Variants in DIAPH2 observed in about 807,000 individuals in gnomAD.
DIAPH2 encodes the protein diaphanous related formin 2.
DIAPH2 carries 35 observed loss-of-function variants against 92.7 expected under a neutral mutation model. The ratio of observed to expected loss-of-function variants is 0.38; its 90% CI spans 0.29 to 0.50. The LOEUF (loss-of-function observed/expected upper bound fraction) is 0.50, where lower values mean the gene tolerates loss of function less well. Ranked by LOEUF, DIAPH2 falls within the 20% of genes least tolerant of loss-of-function variation. The pLI is 0.94. For synonymous variants in DIAPH2, 301 were observed against 280.4 expected (o/e 1.07, Z -0.73); for missense variants, 701 against 819.5 (o/e 0.86, Z 1.77).
At chrX:96,904,579 T>C (rs2065420383) in intron 5 of DIAPH2, among the ~76,000 whole-genome samples, 1 of 111,819 alleles carries the variant, frequency 8.9e-6, no homozygotes. Flanking sequence ...GATGTTTATT[T>C]AGCCGAACAA....
chrX:96,817,082 C>T lies in DIAPH2; in HGVS notation c.447+58824C>T, dbSNP rs750729582. On this transcript the variant is annotated intron_variant, in intron 4 of 26. Transcript: ENST00000324765. Reference sequence around the variant, plus strand: ...ATGATGATTATCAGTGGCTGGGAAGCGTAGTGATGGGGAAGTGGGGATGGT... The same window carrying T: ...ATGATGATTATCAGTGGCTGGGAAGTGTAGTGATGGGGAAGTGGGGATGGT... 1.6e-4 allele frequency among the ~76,000 whole-genome samples: 18 copies of T among 111,154 alleles called. No homozygotes were observed. The East Asian group carries it at 4.0e-3, about 25-fold the overall frequency.
At chrX:97,355,191 A>G (rs950006003) in intron 24 of DIAPH2, among the ~76,000 whole-genome samples, 2 of 111,833 alleles carry the variant, frequency 1.8e-5, no homozygotes, top group African/African-American at 3.2e-5. Context: ...GTCTAAATCT[A>G]AACTATAATT....
chrX:97,327,943 C>T (rs1055362950), intron 23 of DIAPH2, among the ~76,000 whole-genome samples: 4 of 112,054 alleles, frequency 3.6e-5, no homozygotes, highest in Non-Finnish European at 5.6e-5. Flanking sequence ...AATAGCATAC[C>T]CTTCCCCACA....
intron 21 of DIAPH2, among the ~76,000 whole-genome samples, chrX:97,139,861 A>G: frequency 9.0e-6 from 1 of 110,868 alleles, no homozygotes; most frequent in East Asian, 2.8e-4. Flanking sequence ...AAGAAAAAAA[A>G]TCACCCATAA....
intron 4 of DIAPH2, among the ~76,000 whole-genome samples, chrX:96,776,094 C>T (rs566736147): frequency 7.2e-5 from 8 of 111,626 alleles, no homozygotes; most frequent in Middle Eastern, 9.2e-3. Context: ...GTAAAGTTAC[C>T]CTTTTTATGA....
intron 22 of DIAPH2, among the ~76,000 whole-genome samples, chrX:97,207,987 A>G (rs1273097791): frequency 9.0e-6 from 1 of 110,867 alleles, no homozygotes; most frequent in Non-Finnish European, 1.9e-5. Flanking sequence ...CCCTGTCTCT[A>G]CTAAAAATAG....
At chrX:97,287,907 C>T (rs1400324015) in intron 23 of DIAPH2, among the ~76,000 whole-genome samples, 38 of 84,930 alleles carry the variant, frequency 4.5e-4, no homozygotes, top group Middle Eastern at 8.3e-3. Context: ...GAGCCAAGAT[C>T]GCACCACTGC....
At chrX:97,334,965 T>G (rs1489294565) in intron 23 of DIAPH2, among the ~76,000 whole-genome samples, 1 of 78,557 alleles carries the variant, frequency 1.3e-5, no homozygotes, top group Non-Finnish European at 2.3e-5. Context: ...GAGGCGACAG[T>G]GCAAGACTTC....
At chrX:96,757,714 G>C (rs1039436638) in intron 3 of DIAPH2, among the ~76,000 whole-genome samples, 2 of 111,043 alleles carry the variant, frequency 1.8e-5, no homozygotes, top group Non-Finnish European at 3.8e-5. Flanking sequence ...ACATATTATA[G>C]ATATATAGAC....
intron 17 of DIAPH2, among the ~76,000 whole-genome samples, chrX:97,051,523 T>C (rs2066520345): frequency 9.1e-6 from 1 of 109,351 alleles, no homozygotes; most frequent in Admixed American, 9.8e-5. Flanking sequence ...TTTTTTCTTT[T>C]TTTTTTTAAT....
At chrX:96,852,685 C>G (rs1007701267) in intron 4 of DIAPH2, among the ~76,000 whole-genome samples, 1 of 111,343 alleles carries the variant, frequency 9.0e-6, no homozygotes, top group African/African-American at 3.3e-5. Context: ...AGAGCTCTGA[C>G]AGCCTACAGT....
At chrX:97,195,126 G>A (rs183051934) in intron 22 of DIAPH2, among the ~76,000 whole-genome samples, 25 of 111,956 alleles carry the variant, frequency 2.2e-4, no homozygotes, top group Admixed American at 9.5e-4. Flanking sequence ...TGATAGATAT[G>A]TGTCACTTGA....
intron 17 of DIAPH2, among the ~76,000 whole-genome samples, chrX:97,037,860 T>A (rs2066421685): frequency 8.9e-6 from 1 of 112,011 alleles, no homozygotes; most frequent in Admixed American, 9.5e-5. Flanking sequence ...ATTATCATTA[T>A]TTTTTAAATT....
chrX:97,425,013 TATA>T (rs2070048136), intron 25 of DIAPH2, among the ~76,000 whole-genome samples: 1 of 112,572 alleles, frequency 8.9e-6, no homozygotes, highest in African/African-American at 3.2e-5. Flanking sequence ...AAACAATATC[TATA>T]ATGTTATACA....
At chrX:97,323,620 G>C (rs2068923127) in intron 23 of DIAPH2, among the ~76,000 whole-genome samples, 1 of 87,631 alleles carries the variant, frequency 1.1e-5, no homozygotes, top group Non-Finnish European at 2.2e-5. Flanking sequence ...AAAAAGCTCA[G>C]GGACCGGGTG....
chrX:97,151,098 G>A (rs2147423282), intron 22 of DIAPH2, among the ~76,000 whole-genome samples: 1 of 111,695 alleles, frequency 9.0e-6, no homozygotes, highest in Non-Finnish European at 1.9e-5. Flanking sequence ...CATTATAATA[G>A]TTATTCTTAG....
intron 23 of DIAPH2, among the ~76,000 whole-genome samples, chrX:97,276,058 C>G (rs947340772): frequency 8.9e-6 from 1 of 112,739 alleles, no homozygotes; most frequent in Non-Finnish European, 1.9e-5. Context: ...GCAGATCACT[C>G]GCGGTTAAGA....
At chrX:97,319,300 T>C (rs2068869532) in intron 23 of DIAPH2, among the ~76,000 whole-genome samples, 1 of 112,558 alleles carries the variant, frequency 8.9e-6, no homozygotes, top group Admixed American at 9.4e-5. Flanking sequence ...TAAATCAAAT[T>C]TGGAAAAAGA....
intron 9 of DIAPH2, among the ~76,000 whole-genome samples, chrX:96,925,005 G>T (rs2065570924): frequency 9.1e-6 from 1 of 110,487 alleles, no homozygotes; most frequent in Non-Finnish European, 1.9e-5. Context: ...TTATTTCTAT[G>T]CTTGACCCTT....
Sources: gnomAD v4.1 joint callset for allele counts (sites outside exome capture counted in the v4.1 genomes callset) on GRCh38, gnomAD v4.1.1 for gene constraint, MANE v1.5 for transcripts, NCBI Gene and HGNC (gene_info 2026-07-23, HGNC 2026-07-21) for gene names.